Variants in VCAN observed in about 807,000 individuals in gnomAD.
The protein encoded by VCAN is versican.
A neutral mutation model predicts 245.5 loss-of-function variants in VCAN; 44 were observed. That is an observed-to-expected ratio of 0.18 (90% CI 0.14 to 0.23). The LOEUF (loss-of-function observed/expected upper bound fraction) is 0.23. Ranked by LOEUF, VCAN falls within the 10% of genes least tolerant of loss-of-function variation. The pLI is 1.00. For synonymous variants in VCAN, 1,413 were observed against 1,437.0 expected (o/e 0.98, Z 0.38); for missense variants, 3,793 against 4,057.9 (o/e 0.93, Z 1.77).
chr5:83,569,185 T>C (rs1748193052), intron 12 of VCAN, among the ~76,000 whole-genome samples: 2 of 152,208 alleles, frequency 1.3e-5, no homozygotes, highest in Admixed American at 6.5e-5. Flanking sequence ...TATTTTTTAG[T>C]ATAGAATTTT....
At position 83,580,006 on chromosome 5, in the gene VCAN, G is replaced by C; in HGVS notation, c.9907G>C (p.Glu3303Gln). 6.2e-7 allele frequency: 1 copy of C among 1,614,056 alleles called. No individual in the cohort carries two copies. Residue 3303 changes from glutamate (E) to glutamine (Q), a missense_variant, in exon 14 of 15, where the codon GAA (glutamate) becomes CAA (glutamine). Glu to Gln is a conservative substitution (Grantham distance 29, BLOSUM62 2). This residue lies in a region of VCAN where 205 missense variants were observed against 321.1 expected (regional missense o/e 0.64). Coordinates refer to ENST00000265077, the MANE Select transcript of VCAN (RefSeq NM_004385.5). ...CGCTTGCGGCCAGCCCCCTGTTGTA[G>C]AAAATGCCAAGACCTTTGGAAAGAT... The part of the protein sequence containing the change: ...TVACGQPPVV[E>Q]NAKTFGKMKP...
chr5:83,490,047 TAA>T, intron 2 of VCAN, 49 bp from the exon 3 acceptor site: 1 of 1,607,008 alleles, frequency 6.2e-7, no homozygotes, highest in African/African-American at 1.3e-5. Context: ...TTGAATAGAT[TAA>T]GTTTGGGTTT....
chr5:83,519,864 T>C lies in VCAN; in HGVS notation c.1558T>C (p.Leu520=), dbSNP rs773438099. The C allele has an allele frequency of 1.5e-5, 24 of 1,613,996 alleles. No individual in the cohort carries two copies. Among genetic ancestry groups the C allele is most frequent in the South Asian group, 1.2e-4 (11 of 91,090 alleles). Residue 520 remains leucine (L), a synonymous_variant, in exon 7 of 15, where the codon TTG becomes CTG. Coordinates refer to ENST00000265077, the MANE Select transcript of VCAN (RefSeq NM_004385.5). ...GGAATTCCCTGTAACTGAAACACCA[T>C]TGGTAACTGCAAGAATGATCCTGGA... ...SKEFPVTETP[L]VTARMILESK... is the part of the protein sequence containing the mutation.
chr5:83,537,459 T>C lies in VCAN; in HGVS notation c.4456T>C (p.Tyr1486His), dbSNP rs764419465. 2 of 1,613,972 alleles carry C rather than the reference T, an allele frequency of 1.2e-6. No homozygotes were observed. Among genetic ancestry groups the C allele is most frequent in the Admixed American group, 3.3e-5 (2 of 59,954 alleles). Reference sequence around the variant, plus strand: ...TGAAGTTACATGGAAGCCTGAGACTTACCCTGAAACATCAGAACATTTTTC... The same window carrying C: ...TGAAGTTACATGGAAGCCTGAGACTCACCCTGAAACATCAGAACATTTTTC... Reference protein sequence around the residue: ...SLEVTWKPETYPETSEHFSGG... With the variant: ...SLEVTWKPETHPETSEHFSGG... Residue 1486 changes from tyrosine (Y) to histidine (H), a missense_variant, in exon 8 of 15, where the codon TAC (tyrosine) becomes CAC (histidine). By Grantham distance (83) the Tyr-to-His change is moderately conservative (BLOSUM62 2). Around this residue, in one of 5 missense-constraint regions of VCAN, gnomAD observed 3,182 missense variants for 3,250.3 expected, o/e 0.98. Coordinates refer to ENST00000265077, the MANE Select transcript of VCAN (RefSeq NM_004385.5).
intron 13 of VCAN, among the ~76,000 whole-genome samples, chr5:83,577,899 A>G (rs993701797): frequency 6.6e-5 from 10 of 152,164 alleles, no homozygotes; most frequent in Admixed American, 2.6e-4. Context: ...CTGAATTATT[A>G]TAGCTTTTTA....
At chr5:83,548,157 A>C in intron 10 of VCAN, 73 bp downstream of exon 10, 1 of 1,094,872 alleles carries the variant, frequency 9.1e-7, no homozygotes. Flanking sequence ...TCAATGCATA[A>C]TCTTTCCTGC....
intron 12 of VCAN, among the ~76,000 whole-genome samples, chr5:83,563,009 A>G (rs12653308): frequency 0.18 from 28,129 of 152,090 alleles, 3,096 homozygotes; most frequent in South Asian, 0.44. Flanking sequence ...AATAATGGGC[A>G]TATTGCCACT....
At chr5:83,567,302 G>T (rs1328321888) in intron 12 of VCAN, among the ~76,000 whole-genome samples, 2 of 151,792 alleles carry the variant, frequency 1.3e-5, no homozygotes, top group East Asian at 3.9e-4. Flanking sequence ...TTGCGTTTTT[G>T]TTTGTTTGTT....
In VCAN at chr5:83,539,580, TA is replaced by T; in HGVS notation, c.6578del (p.Tyr2193SerfsTer15). ...PDPDANGLES[Y>X]TTLPEATEKS... ...TCCAGATGCAAATGGCTTGGAATCT[TA>T]CACAACTCTCCCTGAAGCTACTGAA... On this transcript the variant is annotated frameshift_variant, in exon 8 of 15. Coordinates refer to ENST00000265077, the MANE Select transcript of VCAN (RefSeq NM_004385.5). LOFTEE classifies it high-confidence loss of function. 1 of 1,614,068 alleles carries T rather than the reference TA, an allele frequency of 6.2e-7. No individual in the cohort carries two copies. The highest frequency in any genetic ancestry group is 8.5e-7 in the Non-Finnish European group (1 of 1,179,978).
intron 7 of VCAN, among the ~76,000 whole-genome samples, chr5:83,534,518 G>A (rs1310808758): frequency 6.6e-6 from 1 of 151,936 alleles, no homozygotes; most frequent in East Asian, 1.9e-4. Context: ...ACCAAACAGG[G>A]TAAGTAAGAA....
chr5:83,554,611 AAAC>A (rs1423880619), intron 11 of VCAN, among the ~76,000 whole-genome samples: 3 of 152,156 alleles, frequency 2.0e-5, no homozygotes, highest in Admixed American at 6.6e-5. Context: ...CATCGCTTAA[AAAC>A]AACAACAACA....
At chr5:83,490,541 C>T (rs1744949064) in intron 3 of VCAN, 69 bp downstream of exon 3, 58 of 1,598,898 alleles carry the variant, frequency 3.6e-5, no homozygotes, top group Non-Finnish European at 4.4e-5. Context: ...TGAGAAATAG[C>T]ACTCAGAAGT....
chr5:83,565,989 G>T, intron 12 of VCAN, among the ~76,000 whole-genome samples: 1 of 147,782 alleles, frequency 6.8e-6, no homozygotes, highest in Admixed American at 6.7e-5. Context: ...TTGAGACGGT[G>T]TCTCACTCTT....
At chr5:83,503,905 A>G (rs2112376111) in intron 5 of VCAN, among the ~76,000 whole-genome samples, 2 of 152,326 alleles carry the variant, frequency 1.3e-5, no homozygotes, top group Middle Eastern at 3.4e-3. Flanking sequence ...TATAAACTCT[A>G]GCTTTTGAAC....
intron 6 of VCAN, among the ~76,000 whole-genome samples, chr5:83,518,426 T>C (rs1745941705): frequency 6.6e-6 from 1 of 152,196 alleles, no homozygotes; most frequent in Admixed American, 6.5e-5. Context: ...TTATATTGCC[T>C]GAGCCTGTTC....
intron 3 of VCAN, among the ~76,000 whole-genome samples, chr5:83,493,139 C>G (rs1001337720): frequency 7.2e-5 from 11 of 152,052 alleles, no homozygotes; most frequent in African/African-American, 2.7e-4. Flanking sequence ...TTGGGTTGAC[C>G]CCGGATAAAG....
chr5:83,563,648 G>T (rs1437488920), intron 12 of VCAN, among the ~76,000 whole-genome samples: 2 of 152,162 alleles, frequency 1.3e-5, no homozygotes, highest in Admixed American at 1.3e-4. Context: ...TACTTCGGTG[G>T]TTATCTGCTT....
Position 83,517,484 on chromosome 5 carries a change from G to A in VCAN, c.1043-1865G>A, listed in dbSNP as rs173687. Among the ~76,000 whole-genome samples, 2,525 of 152,160 alleles carry A rather than the reference G, an allele frequency of 0.017. 138 individuals are homozygous for A. The East Asian group carries it at 0.19, about 12-fold the overall frequency. ...TTATGTTTCCATGGGAACTTTTTCT[G>A]TATGTATCTTTTTACTATTTCCCCA... On this transcript the variant is annotated intron_variant, in intron 6 of 14. Coordinates refer to ENST00000265077, the MANE Select transcript of VCAN (RefSeq NM_004385.5).
At chr5:83,509,793 T>C (rs1041709822) in intron 5 of VCAN, among the ~76,000 whole-genome samples, 8 of 152,224 alleles carry the variant, frequency 5.3e-5, no homozygotes, top group African/African-American at 1.9e-4. Flanking sequence ...CTGTTCAGGA[T>C]GACGTAATTT....
Sources: allele counts gnomAD v4.1 joint callset (sites outside exome capture counted in the v4.1 genomes callset), GRCh38; gene constraint gnomAD v4.1.1; regional missense constraint gnomAD v4.1.1; transcripts MANE v1.5; gene names NCBI Gene and HGNC (gene_info 2026-07-23, HGNC 2026-07-21).